Variants in ZBTB20 observed in about 807,000 individuals in gnomAD.
ZBTB20 encodes zinc finger and BTB domain containing 20, also known as zinc finger and BTB domain-containing protein 20.
In ZBTB20, 9 loss-of-function variants were observed where a neutral mutation model predicts 56.9. That is an observed-to-expected ratio of 0.16 (90% CI 0.10 to 0.28). The LOEUF (loss-of-function observed/expected upper bound fraction) is 0.28, where lower values mean the gene tolerates loss of function less well. Among genes scored for constraint, ZBTB20 ranks in the 10% least tolerant of loss-of-function variants. The probability of loss-of-function intolerance (pLI) is 1.00; values close to 1 mark genes in which losing one functional copy is unlikely to be tolerated. For synonymous variants in ZBTB20, 417 were observed against 420.7 expected, an observed-to-expected ratio of 0.99 and a Z score of 0.11; for missense variants, 655 against 1,003.0, an observed-to-expected ratio of 0.65 and a Z score of 4.69.
chr3:114,933,262 TA>T (rs2076420983), intron 3 of ZBTB20, among the ~76,000 whole-genome samples: 1 of 152,154 alleles, frequency 6.6e-6, no homozygotes, highest in African/African-American at 2.4e-5. Flanking sequence ...TACACAGCCA[TA>T]AATGAAACAG....
intron 5 of ZBTB20, among the ~76,000 whole-genome samples, chr3:114,754,516 T>A (rs1247441699): frequency 6.6e-6 from 1 of 152,202 alleles, no homozygotes; most frequent in Non-Finnish European, 1.5e-5. Flanking sequence ...CTTAGTGATA[T>A]AATACCATAT....
At chr3:114,675,090 T>C (rs2061556310) in intron 6 of ZBTB20, among the ~76,000 whole-genome samples, 1 of 148,414 alleles carries the variant, frequency 6.7e-6, no homozygotes, top group Admixed American at 6.8e-5. Context: ...ATTATATATA[T>C]ACACAATATT....
At chr3:114,700,394 CAAACAGAGT>C (rs1157928874) in intron 5 of ZBTB20, among the ~76,000 whole-genome samples, 2 of 152,070 alleles carry the variant, frequency 1.3e-5, no homozygotes, top group African/African-American at 2.4e-5. Flanking sequence ...AAGATATTGA[CAAACAGAGT>C]AAACTACAGC....
At chr3:114,714,599 T>TTCA (rs2064329262) in intron 5 of ZBTB20, among the ~76,000 whole-genome samples, 1 of 152,082 alleles carries the variant, frequency 6.6e-6, no homozygotes, top group African/African-American at 2.4e-5. Context: ...CCCCTTCTTC[T>TTCA]TCATCATCTT....
intron 5 of ZBTB20, among the ~76,000 whole-genome samples, chr3:114,775,296 C>T (rs115150575): frequency 5.3e-5 from 8 of 152,086 alleles, no homozygotes; most frequent in African/African-American, 1.4e-4. Context: ...CCTTCCTTTG[C>T]CCCACTTGTT....
At chr3:114,421,118 C>T (rs970354528) in intron 7 of ZBTB20, among the ~76,000 whole-genome samples, 3 of 152,030 alleles carry the variant, frequency 2.0e-5, no homozygotes, top group Non-Finnish European at 2.9e-5. Context: ...AGGGCTTTTC[C>T]TATCTTTTGT....
chr3:115,041,687 T>C (rs1273156019), intron 2 of ZBTB20, among the ~76,000 whole-genome samples: 3 of 152,192 alleles, frequency 2.0e-5, no homozygotes, highest in Non-Finnish European at 4.4e-5. Flanking sequence ...TGGTTGATAA[T>C]ATGTTAACAA....
At chr3:114,969,028 G>A (rs1423451990) in intron 3 of ZBTB20, among the ~76,000 whole-genome samples, 1 of 152,030 alleles carries the variant, frequency 6.6e-6, no homozygotes, top group Non-Finnish European at 1.5e-5. Context: ...CCTAACCCAA[G>A]CTAGAATTGA....
At chr3:114,877,381 T>A (rs765499171) in intron 4 of ZBTB20, among the ~76,000 whole-genome samples, 31 of 151,846 alleles carry the variant, frequency 2.0e-4, no homozygotes, top group Non-Finnish European at 3.5e-4. Flanking sequence ...TGGAGTGGAG[T>A]AGTGTGGAAA....
At chr3:115,031,273 G>T (rs1484790690) in intron 2 of ZBTB20, among the ~76,000 whole-genome samples, 1 of 151,318 alleles carries the variant, frequency 6.6e-6, no homozygotes, top group Non-Finnish European at 1.5e-5. Flanking sequence ...AGTGCATAAG[G>T]ATATTTAAGT....
chr3:114,411,916 G>A (rs1163984243), intron 7 of ZBTB20, among the ~76,000 whole-genome samples: 3 of 152,214 alleles, frequency 2.0e-5, no homozygotes, highest in East Asian at 1.9e-4. Flanking sequence ...CTAGGCTTAC[G>A]GAACATCTCC....
intron 7 of ZBTB20, among the ~76,000 whole-genome samples, chr3:114,459,149 T>A (rs529157040): frequency 2.0e-3 from 298 of 152,340 alleles, no homozygotes; most frequent in South Asian, 4.3e-3. Context: ...TAATAATAAA[T>A]GCCATAATTC....
At chr3:114,454,251 T>C (rs1227559842) in intron 7 of ZBTB20, among the ~76,000 whole-genome samples, 1 of 149,226 alleles carries the variant, frequency 6.7e-6, no homozygotes, top group Non-Finnish European at 1.5e-5. Context: ...AGCAGCGTTT[T>C]TTTCTTTCTT....
chr3:114,424,721 G>T (rs2089495653), intron 7 of ZBTB20, among the ~76,000 whole-genome samples: 1 of 152,132 alleles, frequency 6.6e-6, no homozygotes, highest in South Asian at 2.1e-4. Context: ...CAAGTTTACG[G>T]TCTTTACTTA....
At chr3:114,616,325 C>CA (rs2057940436) in intron 6 of ZBTB20, among the ~76,000 whole-genome samples, 1 of 152,212 alleles carries the variant, frequency 6.6e-6, no homozygotes, top group Non-Finnish European at 1.5e-5. Context: ...CCTTTATAAT[C>CA]ATCTCCCTTG....
intron 1 of ZBTB20, among the ~76,000 whole-genome samples, chr3:115,137,176 G>A (rs1412224185): frequency 6.6e-6 from 1 of 152,060 alleles, no homozygotes; most frequent in Non-Finnish European, 1.5e-5. Flanking sequence ...ATAAGGAACA[G>A]TAAAGACACA....
intron 2 of ZBTB20, among the ~76,000 whole-genome samples, chr3:115,060,580 C>CT (rs1442367316): frequency 1.3e-5 from 2 of 152,040 alleles, no homozygotes; most frequent in Non-Finnish European, 2.9e-5. Flanking sequence ...TTTACTCTCT[C>CT]TTTTTTCAAA....
rs2107967064 is a variant in ZBTB20, at chr3:114,315,142, T to C, written c.*23863A>G. ...ACCTGCTCATCCCAAACCATGTATATGTTGATGGATGGATGTGTGTTTTTG... is the reference window on the plus strand; with the variant it reads ...ACCTGCTCATCCCAAACCATGTATACGTTGATGGATGGATGTGTGTTTTTG... On this transcript the variant is annotated 3_prime_UTR_variant, in exon 12 of 12. Transcript: ENST00000675478. 1 of 152,296 alleles carries C rather than the reference T, an allele frequency of 6.6e-6. No individual in the cohort carries two copies. Among genetic ancestry groups the C allele is most frequent in the South Asian group, 2.1e-4 (1 of 4,828 alleles). The allele number at this position is 152,296 out of a possible 1,614,324, so 9.4% of individuals were successfully genotyped here.
chr3:114,633,549 A>G (rs2059083609), intron 6 of ZBTB20, among the ~76,000 whole-genome samples: 1 of 152,170 alleles, frequency 6.6e-6, no homozygotes, highest in South Asian at 2.1e-4. Flanking sequence ...GTAACATACA[A>G]AGGAACCTGG....
Sources: allele counts gnomAD v4.1 joint callset (sites outside exome capture counted in the v4.1 genomes callset), GRCh38; gene constraint gnomAD v4.1.1; transcripts MANE v1.5; gene names NCBI Gene and HGNC (gene_info 2026-07-23, HGNC 2026-07-21).